Variants in RAB27A observed in about 807,000 individuals in gnomAD.
RAB27A encodes the protein RAB27A, member RAS oncogene family, also known as ras-related protein Rab-27A.
A neutral mutation model predicts 20.8 loss-of-function variants in RAB27A; 17 were observed. The observed-to-expected ratio is 0.82, with a 90% CI of 0.56 to 1.23. The LOEUF (loss-of-function observed/expected upper bound fraction) is 1.23. Among genes scored for constraint, RAB27A ranks in the 50% most tolerant of loss-of-function variants. RAB27A has a pLI of 0.00. For missense variants in RAB27A, 277 were observed against 266.7 expected (o/e 1.04, Z -0.27); for synonymous variants, 85 against 92.8 (o/e 0.92, Z 0.48).
chr15:55,304,766 G>A (rs1261541488), intron 2 of RAB27A, among the ~76,000 whole-genome samples: 1 of 151,842 alleles, frequency 6.6e-6, no homozygotes, highest in Admixed American at 6.6e-5. Flanking sequence ...GGACACTTGG[G>A]TTTTTTCCAC....
At chr15:55,243,480 C>T (rs498712) in intron 2 of RAB27A, among the ~76,000 whole-genome samples, 76,551 of 151,640 alleles carry the variant, frequency 0.5, 19,867 homozygotes, top group East Asian at 0.72. Context: ...CATGGTGAAA[C>T]GCTGTCTCTA....
At chr15:55,272,354 G>A (rs1052296984) in intron 1 of RAB27A, among the ~76,000 whole-genome samples, 8 of 152,064 alleles carry the variant, frequency 5.3e-5, no homozygotes, top group Non-Finnish European at 1.2e-4. Context: ...GGCCGAGATC[G>A]CACCAATGCA....
intron 2 of RAB27A, among the ~76,000 whole-genome samples, chr15:55,302,598 C>T (rs1325193254): frequency 5.9e-5 from 8 of 135,594 alleles, no homozygotes; most frequent in Admixed American, 2.9e-4. Context: ...GGAGCGTCTC[C>T]GCCCGGCCAC....
intron 2 of RAB27A, among the ~76,000 whole-genome samples, chr15:55,247,560 A>G (rs953325348): frequency 1.3e-5 from 2 of 152,090 alleles, no homozygotes; most frequent in Non-Finnish European, 2.9e-5. Context: ...TTGCATCTCA[A>G]CTTCCTCAAG....
At chr15:55,216,849 C>T (rs993050798) in intron 6 of RAB27A, among the ~76,000 whole-genome samples, 1 of 152,180 alleles carries the variant, frequency 6.6e-6, no homozygotes, top group African/African-American at 2.4e-5. Context: ...AAACTCCTCA[C>T]TTTCCAAGCA....
At chr15:55,310,296 G>A (rs2055014734) in intron 2 of RAB27A, among the ~76,000 whole-genome samples, 2 of 152,136 alleles carry the variant, frequency 1.3e-5, no homozygotes, top group Admixed American at 1.3e-4. Flanking sequence ...CCAGTGTCCA[G>A]GAGACAGTTA....
chr15:55,312,482 A>G (rs1401810883), intron 2 of RAB27A, among the ~76,000 whole-genome samples: 1 of 152,224 alleles, frequency 6.6e-6, no homozygotes, highest in Admixed American at 6.5e-5. Context: ...AAACTTTCCC[A>G]AAGTGACTGC....
At chr15:55,211,670 GA>G (rs1895032278) in intron 6 of RAB27A, among the ~76,000 whole-genome samples, 1 of 152,064 alleles carries the variant, frequency 6.6e-6, no homozygotes, top group South Asian at 2.1e-4. Context: ...CTTTAGGTTA[GA>G]AAAAAACTCT....
intron 6 of RAB27A, among the ~76,000 whole-genome samples, chr15:55,205,953 C>T (rs1479670313): frequency 6.6e-6 from 1 of 152,000 alleles, no homozygotes; most frequent in African/African-American, 2.4e-5. Flanking sequence ...CAGTGGCTCA[C>T]ACCTCCCAGC....
intron 2 of RAB27A, among the ~76,000 whole-genome samples, chr15:55,262,848 C>G (rs866466732): frequency 1.3e-5 from 2 of 152,040 alleles, no homozygotes; most frequent in African/African-American, 4.8e-5. Flanking sequence ...AGCCACCACG[C>G]CCAGCCCAGT....
chr15:55,296,085 G>A (rs953090905), intron 2 of RAB27A, among the ~76,000 whole-genome samples: 5 of 151,138 alleles, frequency 3.3e-5, no homozygotes, highest in South Asian at 4.2e-4. Context: ...TAGTAGAGAC[G>A]GGGTTCCACC....
intron 2 of RAB27A, among the ~76,000 whole-genome samples, chr15:55,242,255 T>C (rs1896523246): frequency 6.6e-6 from 1 of 152,230 alleles, no homozygotes; most frequent in South Asian, 2.1e-4. Flanking sequence ...TTTTATTTTA[T>C]CTGCTCATCA....
chr15:55,249,312 T>C (rs1216166159), intron 2 of RAB27A, among the ~76,000 whole-genome samples: 1 of 152,212 alleles, frequency 6.6e-6, no homozygotes, highest in Non-Finnish European at 1.5e-5. Context: ...TCTCACTCTG[T>C]CACCCAGGCT....
rs762691442 is a variant in RAB27A at position 55,230,440 on chromosome 15, C to G, written c.200G>C (p.Arg67Thr). ...TGTGTCCCATAACTGCAGGTGGATT[C>G]TCTGGCCTCTGCCAGTGGCTCCATC... ...GPDGATGRGQ[R>T]IHLQLWDTAG... Residue 67 changes from arginine to threonine, a missense_variant, in exon 4 of 7, where the codon AGA becomes ACA. Transcript: ENST00000336787. The G allele has an allele frequency of 3.1e-6, 5 of 1,613,864 alleles. No homozygotes were observed. In the Admixed American group the frequency reaches 8.3e-5, roughly 27 times the overall value.
chr15:55,284,665 A>G (rs1250032361), intron 1 of RAB27A, among the ~76,000 whole-genome samples: 2 of 152,140 alleles, frequency 1.3e-5, no homozygotes, highest in Non-Finnish European at 2.9e-5. Flanking sequence ...GTGGATGGCT[A>G]GAGATGTGAT....
At chr15:55,317,971 G>A (rs1310529809) in intron 1 of RAB27A, 1 of 354,586 alleles carries the variant, frequency 2.8e-6, no homozygotes, top group Non-Finnish European at 5.0e-6. Context: ...TTTATAATAT[G>A]TTACTAATTA....
At chr15:55,262,700 A>C (rs1390717544) in intron 2 of RAB27A, among the ~76,000 whole-genome samples, 7 of 149,700 alleles carry the variant, frequency 4.7e-5, no homozygotes, top group Non-Finnish European at 1.0e-4. Flanking sequence ...TGGCACAATC[A>C]CAGCTCACTG....
At chr15:55,290,153 C>T (rs182343610), upstream of RAB27A, 1 of 152,380 alleles carries the variant, frequency 6.6e-6, no homozygotes, top group African/African-American at 2.4e-5. Flanking sequence ...GGACTCTCCC[C>T]TATTCACCTC....
chr15:55,207,326 G>A (rs1456210657), intron 6 of RAB27A, among the ~76,000 whole-genome samples: 1 of 152,206 alleles, frequency 6.6e-6, no homozygotes, highest in Non-Finnish European at 1.5e-5. Flanking sequence ...GCATGTTGAT[G>A]GGCAGGAAGT....
Sources: allele counts gnomAD v4.1 joint callset (sites outside exome capture counted in the v4.1 genomes callset), GRCh38; gene constraint gnomAD v4.1.1; transcripts MANE v1.5; gene names NCBI Gene and HGNC (gene_info 2026-07-23, HGNC 2026-07-21).